The following PDE1C variants were observed in gnomAD, a reference collection of about 807,000 sequenced individuals.
PDE1C encodes phosphodiesterase 1C, also known as dual specificity calcium/calmodulin-dependent 3',5'-cyclic nucleotide phosphodiesterase 1C.
In PDE1C, 62 loss-of-function variants were observed where a neutral mutation model predicts 93.1. The observed-to-expected ratio is 0.67, with a 90% CI of 0.54 to 0.82. PDE1C has a LOEUF of 0.82. PDE1C is among the 40% of genes least tolerant of loss of function. The pLI, the probability that PDE1C is intolerant of heterozygous loss-of-function variation, is 0.00. For synonymous variants in PDE1C, 325 were observed against 310.1 expected (o/e 1.05, Z -0.50); for missense variants, 742 against 884.6 (o/e 0.84, Z 2.04).
At chr7:31,682,677 G>C in the PDE1C span, among the ~76,000 whole-genome samples, 1 of 152,168 alleles carries the variant, frequency 6.6e-6, no homozygotes, top group Non-Finnish European at 1.5e-5. Context: ...GTACACAATT[G>C]TTCACAGTAG....
intron 1 of PDE1C, among the ~76,000 whole-genome samples, chr7:32,228,964 C>A (rs1053632494): frequency 1.3e-5 from 2 of 152,196 alleles, no homozygotes; most frequent in Non-Finnish European, 2.9e-5. Context: ...CATTCCAAGG[C>A]AGCTTGGAAT....
chr7:32,207,272 C>T (rs1472097089), intron 2 of PDE1C, among the ~76,000 whole-genome samples: 3 of 151,962 alleles, frequency 2.0e-5, no homozygotes, highest in Non-Finnish European at 4.4e-5. Flanking sequence ...GTGCCTGATT[C>T]CGTACTGGGC....
chr7:31,697,152 GATGGGGA>G, the PDE1C span: 1 of 1,609,916 alleles, frequency 6.2e-7, no homozygotes, highest in Non-Finnish European at 8.5e-7. Flanking sequence ...TGCAGGGGGT[GATGGGGA>G]CAGGTCAAGA....
chr7:32,394,161 T>C (rs971610078), intron 1 of PDE1C, among the ~76,000 whole-genome samples: 1 of 152,246 alleles, frequency 6.6e-6, no homozygotes, highest in Non-Finnish European at 1.5e-5. Context: ...AGGTGCATGG[T>C]CTGCTAGTTG....
At chr7:32,306,235 C>G (rs769590770) in intron 1 of PDE1C, among the ~76,000 whole-genome samples, 3 of 152,112 alleles carry the variant, frequency 2.0e-5, no homozygotes, top group Non-Finnish European at 4.4e-5. Context: ...ATGTCTTTAT[C>G]AGCAGCATGA....
In PDE1C at chr7:31,879,067, G is replaced by A. The variant is rs766061476; in HGVS notation, c.354C>T (p.Leu118=). The A allele has an allele frequency of 1.1e-5, 17 of 1,614,136 alleles. No homozygotes were observed. Among genetic ancestry groups the A allele is most frequent in the Non-Finnish European group, 1.4e-5 (16 of 1,180,014 alleles). ...ACCGGGGCTTCTCGTCGCTCCTCCT[G>A]AGCATCATCCCCATCTGCCGCGTGA... The part of the protein sequence containing the change: ...STFTRQMGMM[L]RRSDEKPRFK... Residue 118 remains leucine (L), a synonymous_variant, in exon 4 of 18, where the codon CTC becomes CTT. Coordinates refer to ENST00000396191, the MANE Select transcript of PDE1C (RefSeq NM_001191057.4).
intron 9 of PDE1C, among the ~76,000 whole-genome samples, chr7:31,846,992 C>A (rs1792716862): frequency 6.6e-6 from 1 of 152,112 alleles, no homozygotes; most frequent in Non-Finnish European, 1.5e-5. Context: ...GGTGAGCACA[C>A]AAATACCCAA....
intron 16 of PDE1C, chr7:31,784,694 T>G (rs1419896394): frequency 1.3e-5 from 2 of 152,018 alleles, no homozygotes; most frequent in African/African-American, 4.8e-5. Context: ...GGTTGTACAG[T>G]GGGCACAAGA....
the PDE1C span, among the ~76,000 whole-genome samples, chr7:31,737,162 A>T: frequency 3.3e-5 from 5 of 151,224 alleles, no homozygotes; most frequent in Non-Finnish European, 7.4e-5. Flanking sequence ...TTTTTTTTGT[A>T]GAGACGGTAT....
At chr7:32,426,332 G>A (rs184614402) in intron 1 of PDE1C, among the ~76,000 whole-genome samples, 2 of 150,580 alleles carry the variant, frequency 1.3e-5, no homozygotes, top group African/African-American at 4.9e-5. Flanking sequence ...GGAGTGCAAT[G>A]GCATGATCTC....
At chr7:31,962,748 A>G (rs1249014617) in intron 2 of PDE1C, among the ~76,000 whole-genome samples, 4 of 152,226 alleles carry the variant, frequency 2.6e-5, no homozygotes, top group African/African-American at 9.6e-5. Flanking sequence ...GATAGGTCTT[A>G]GCCAAATAAT....
chr7:31,760,128 T>C (rs1233026646), intron 17 of PDE1C, among the ~76,000 whole-genome samples: 1 of 152,340 alleles, frequency 6.6e-6, no homozygotes, highest in Non-Finnish European at 1.5e-5. Flanking sequence ...CAAATTTAAC[T>C]GAGTTAAACT....
rs1047435081 is a variant in PDE1C at position 32,398,677 on chromosome 7, C to T, written c.310+29145G>A. ...GTGCTGGGATTACAGGCGTGAACCA[C>T]GGTGCCCGGCCAGAACTGTGATCCT... On this transcript the variant is annotated intron_variant, in intron 1 of 1. Coordinates refer to the PDE1C transcript ENST00000672256. Among the ~76,000 whole-genome samples, 11 of 152,226 alleles carry T rather than the reference C, an allele frequency of 7.2e-5. 1 individual carries two copies. Among genetic ancestry groups the T allele is most frequent in the Admixed American group, 5.2e-4 (8 of 15,288 alleles).
chr7:32,038,314 T>C (rs1791376622), intron 2 of PDE1C, among the ~76,000 whole-genome samples: 2 of 152,102 alleles, frequency 1.3e-5, no homozygotes, highest in Non-Finnish European at 2.9e-5. Context: ...AATGAGATCC[T>C]GAAGAATTAA....
the PDE1C span, among the ~76,000 whole-genome samples, chr7:31,667,364 CTG>C: frequency 1.2e-3 from 183 of 152,296 alleles, no homozygotes; most frequent in Non-Finnish European, 1.3e-3. Flanking sequence ...TCCTGTGTGA[CTG>C]TGCATTTCAA....
chr7:32,160,604 G>A (rs1049626957), intron 3 of PDE1C, among the ~76,000 whole-genome samples: 3 of 152,200 alleles, frequency 2.0e-5, no homozygotes, highest in African/African-American at 7.2e-5. Flanking sequence ...CACTCTGGGA[G>A]GTCGAGGTGG....
the PDE1C span, among the ~76,000 whole-genome samples, chr7:31,654,989 A>C: frequency 6.6e-6 from 1 of 152,068 alleles, no homozygotes; most frequent in Admixed American, 6.5e-5. Context: ...GAGCGTGGAC[A>C]TCCCCATTCT....
intron 7 of PDE1C, among the ~76,000 whole-genome samples, chr7:31,863,298 A>C (rs1583659413): frequency 6.6e-6 from 1 of 152,104 alleles, no homozygotes; most frequent in African/African-American, 2.4e-5. Flanking sequence ...TTTTGTCTAG[A>C]CCTATCGAGG....
chr7:32,146,739 G>T (rs1800862129), intron 3 of PDE1C, among the ~76,000 whole-genome samples: 1 of 152,186 alleles, frequency 6.6e-6, no homozygotes, highest in Non-Finnish European at 1.5e-5. Flanking sequence ...ATACTGATCA[G>T]ATTAGGTAGC....
Sources: gnomAD v4.1 joint callset for allele counts (sites outside exome capture counted in the v4.1 genomes callset) on GRCh38, gnomAD v4.1.1 for gene constraint, MANE v1.5 for transcripts, NCBI Gene and HGNC (gene_info 2026-07-23, HGNC 2026-07-21) for gene names.